Variants in TBC1D20 observed in about 807,000 individuals in gnomAD.
TBC1D20 encodes the protein TBC1 domain family member 20.
TBC1D20 carries 12 observed loss-of-function variants against 41.6 expected under a neutral mutation model. The ratio of observed to expected loss-of-function variants is 0.29; its 90% confidence interval spans 0.18 to 0.47. TBC1D20 has a LOEUF of 0.47. TBC1D20 is among the 20% of genes least tolerant of loss of function. The pLI is 1.00. For synonymous variants in TBC1D20, 205 were observed against 204.8 expected, an observed-to-expected ratio of 1.00 and a Z score of -0.01; for missense variants, 421 against 517.4, an observed-to-expected ratio of 0.81 and a Z score of 1.81.
At chr20:462,231 C>A in intron 1 of TBC1D20, 105 bp downstream of exon 1, 1 of 768,844 alleles carries the variant, frequency 1.3e-6, no homozygotes, top group Non-Finnish European at 1.7e-6. Flanking sequence ...CCGCAGCAGC[C>A]CCGGGTCCCC....
At position 435,492 on chromosome 20, in the gene TBC1D20, GTTTATTACAAACATTA is replaced by G. The variant is rs2017100377; in HGVS notation, c.*3078_*3093del. On this transcript the variant is annotated 3_prime_UTR_variant, in exon 8 of 8. Coordinates refer to ENST00000354200, the MANE Select transcript of TBC1D20 (RefSeq NM_144628.4). The stretch of plus-strand genomic sequence containing the variant: ...AACTCAGGGAAACTTATGTTTACCA[GTTTATTACAAACATTA>G]TTAGAAAAGGATACAAATAAGTAAA... 1 of 153,654 alleles carries G rather than the reference GTTTATTACAAACATTA, an allele frequency of 6.5e-6. No homozygotes were observed. Among genetic ancestry groups the G allele is most frequent in the Non-Finnish European group, 1.5e-5 (1 of 68,072 alleles). 9.5% of individuals were successfully genotyped at this position (153,654 alleles called of 1,614,324 possible). A position where few individuals can be genotyped will look rare whatever the true frequency, so the allele number is the denominator to read the frequency against.
rs559712336 is a variant in TBC1D20, at chr20:458,902, G to GT, written c.70+3433dup. ...TGTCCCAACGTGGATTTCGGCTGCT[G>GT]TTTTTTTCAGGCCCCAACACCACCC... is the stretch of plus-strand genomic sequence containing the variant. On this transcript the variant is annotated intron_variant, in intron 1 of 7. Coordinates refer to ENST00000354200, the MANE Select transcript of TBC1D20 (RefSeq NM_144628.4). 2.6e-5 allele frequency among the ~76,000 whole-genome samples: 4 copies of GT among 152,182 alleles called. No homozygotes were observed. The East Asian group carries it at 7.7e-4, about 29-fold the overall frequency.
At chr20:456,139 G>A (rs1220998595) in intron 1 of TBC1D20, among the ~76,000 whole-genome samples, 3 of 151,950 alleles carry the variant, frequency 2.0e-5, no homozygotes, top group Non-Finnish European at 2.9e-5. Context: ...TGGGCGTGAC[G>A]GCGTGCACCT....
intron 1 of TBC1D20, among the ~76,000 whole-genome samples, chr20:459,313 G>A (rs1379807685): frequency 6.6e-6 from 1 of 152,188 alleles, no homozygotes; most frequent in African/African-American, 2.4e-5. Context: ...CTGGACTTGA[G>A]AACGCTGTAT....
chr20:450,797 T>C (rs2122409681), intron 1 of TBC1D20: 1 of 152,304 alleles, frequency 6.6e-6, no homozygotes, highest in East Asian at 1.9e-4. Flanking sequence ...GGGAAATTGG[T>C]TGGGAATTTG....
In TBC1D20 at chr20:460,554, CCT is replaced by C. The variant is rs569805282; in HGVS notation, c.70+1780_70+1781del. 3.5e-3 allele frequency among the ~76,000 whole-genome samples: 528 copies of C among 152,190 alleles called. 4 individuals carry two copies. Among genetic ancestry groups the C allele is most frequent in the African/African-American group, 0.012 (501 of 41,506 alleles). ...TTAAACACAAAATAAAACAAACTAG[CCT>C]CTGTTTCTGGAGGTCTTCATTAGTA... On this transcript the variant is annotated intron_variant, in intron 1 of 7. Coordinates refer to ENST00000354200, the MANE Select transcript of TBC1D20 (RefSeq NM_144628.4).
At position 438,916 on chromosome 20, in the gene TBC1D20, T is replaced by G. The variant is rs903020046; in HGVS notation, c.957-75A>C. ...GAAAGCAAAACTACACCACATAGGCTGCGGGCAGAGCCTTTCATTGCTGGG... is the reference window on the plus strand; with the variant it reads ...GAAAGCAAAACTACACCACATAGGCGGCGGGCAGAGCCTTTCATTGCTGGG... On this transcript the variant is annotated intron_variant, in intron 7 of 7. Transcript: ENST00000354200. 3.6e-5 allele frequency: 56 copies of G among 1,567,934 alleles called. 1 individual carries two copies. The highest frequency in any genetic ancestry group is 1.2e-5 in the Non-Finnish European group (14 of 1,153,514).
intron 1 of TBC1D20, among the ~76,000 whole-genome samples, chr20:454,415 G>T (rs2017507003): frequency 6.6e-6 from 1 of 152,134 alleles, no homozygotes; most frequent in Non-Finnish European, 1.5e-5. Flanking sequence ...AGGAGATACG[G>T]CCCTTCCATT....
intron 3 of TBC1D20, among the ~76,000 whole-genome samples, chr20:443,677 CCT>C (rs895051750): frequency 2.1e-4 from 32 of 152,014 alleles, no homozygotes; most frequent in African/African-American, 7.2e-4. Context: ...AAAATTAAAC[CCT>C]GTGTGAATTT....
rs1412492923 is a variant in TBC1D20 at position 449,947 on chromosome 20, T to C, written c.71-1873A>G. ...ATTCAGGCATATCTAGCAGTTAGTGTCAATGTTTTCATACAAGAATGTCCA... is the reference window on the plus strand; with the variant it reads ...ATTCAGGCATATCTAGCAGTTAGTGCCAATGTTTTCATACAAGAATGTCCA... On this transcript the variant is annotated intron_variant, in intron 1 of 7. Transcript: ENST00000354200. Among the ~76,000 whole-genome samples the C allele has an allele frequency of 6.6e-5, 10 of 152,346 alleles. No homozygotes were observed. In the South Asian group the frequency reaches 1.4e-3, roughly 22 times the overall value.
rs1036578692 is a variant in TBC1D20 at position 445,920 on chromosome 20, T to C, written c.257-790A>G. Among the ~76,000 whole-genome samples the C allele has an allele frequency of 3.9e-5, 6 of 152,364 alleles. No homozygotes were observed. In the South Asian group the frequency reaches 8.3e-4, roughly 21 times the overall value. ...CATCTCAGGATTCAGGGTGTGAACA[T>C]GGCACTGCCTTAGCCTTCCAACAAA... is the stretch of plus-strand genomic sequence containing the variant. On this transcript the variant is annotated intron_variant, in intron 2 of 7. Coordinates refer to ENST00000354200, the MANE Select transcript of TBC1D20 (RefSeq NM_144628.4).
At chr20:460,755 C>T (rs1400899812) in intron 1 of TBC1D20, among the ~76,000 whole-genome samples, 1 of 152,196 alleles carries the variant, frequency 6.6e-6, no homozygotes, top group Non-Finnish European at 1.5e-5. Context: ...GCCAACAATA[C>T]TCTGATATGA....
chr20:462,030 G>A (rs2122436763), intron 1 of TBC1D20, among the ~76,000 whole-genome samples: 1 of 152,326 alleles, frequency 6.6e-6, no homozygotes, highest in African/African-American at 2.4e-5. Flanking sequence ...CGCTCGAGGA[G>A]TCCCAGTCCT....
At chr20:449,618 A>T (rs1051120741) in intron 1 of TBC1D20, among the ~76,000 whole-genome samples, 1 of 152,146 alleles carries the variant, frequency 6.6e-6, no homozygotes, top group African/African-American at 2.4e-5. Context: ...AAGTGAAAAA[A>T]GAAATGTGTT....
chr20:462,425 C>T lies in TBC1D20; in HGVS notation c.-20G>A, dbSNP rs2017651478. ...GGCCATGCCCCGGGGCCCCGGGCCC[C>T]CACCCGAGCCCCGGCTGGTGGCGGA... On this transcript the variant is annotated 5_prime_UTR_variant, in exon 1 of 8. Coordinates refer to ENST00000354200, the MANE Select transcript of TBC1D20 (RefSeq NM_144628.4). 8.3e-7 allele frequency: 1 copy of T among 1,198,342 alleles called. No individual in the cohort carries two copies. Among genetic ancestry groups the T allele is most frequent in the Non-Finnish European group, 1.0e-6 (1 of 957,786 alleles). The allele number at this position is 1,198,342 out of a possible 1,614,324, so 74.2% of individuals were successfully genotyped here.
chr20:442,886 A>G (rs955302476), intron 3 of TBC1D20, among the ~76,000 whole-genome samples: 1 of 152,190 alleles, frequency 6.6e-6, no homozygotes, highest in Non-Finnish European at 1.5e-5. Flanking sequence ...TCACGAGGTC[A>G]GGAGATCGAG....
chr20:444,983 G>T, intron 3 of TBC1D20, 67 bp downstream of exon 3: 1 of 1,427,582 alleles, frequency 7.0e-7, no homozygotes, highest in Non-Finnish European at 9.7e-7. Flanking sequence ...AGCATATTAG[G>T]TCACATGGTA....
rs528174615 is a variant in TBC1D20, at chr20:454,115, C to T, written c.71-6041G>A. Among the ~76,000 whole-genome samples, 4 of 150,860 alleles carry T rather than the reference C, an allele frequency of 2.7e-5. 1 individual carries two copies. Among genetic ancestry groups the T allele is most frequent in the South Asian group, 4.2e-4 (2 of 4,750 alleles). ...AAAATTAGCCAGGCGTGGTGGCGGG[C>T]GCCTGTAGTCCCAGCTACTCGAGAG... On this transcript the variant is annotated intron_variant, in intron 1 of 7. Coordinates refer to ENST00000354200, the MANE Select transcript of TBC1D20 (RefSeq NM_144628.4).
chr20:444,752 AT>A (rs1411180109), intron 3 of TBC1D20, among the ~76,000 whole-genome samples: 1 of 152,164 alleles, frequency 6.6e-6, no homozygotes, highest in African/African-American at 2.4e-5. Context: ...TTCCACACCA[AT>A]CTGCTCTTTA....
Sources: allele counts gnomAD v4.1 joint callset (sites outside exome capture counted in the v4.1 genomes callset), GRCh38; gene constraint gnomAD v4.1.1; transcripts MANE v1.5; gene names NCBI Gene and HGNC (gene_info 2026-07-23, HGNC 2026-07-21).